Variants in RAD51B observed in about 807,000 individuals in gnomAD.
RAD51B encodes RAD51 paralog B, also known as DNA repair protein RAD51 homolog 2.
Under a neutral mutation model 42.2 loss-of-function variants are expected in RAD51B, and 38 were observed. The ratio of observed to expected loss-of-function variants is 0.90; its 90% CI spans 0.70 to 1.18. The LOEUF (loss-of-function observed/expected upper bound fraction) is 1.18, where lower values mean the gene tolerates loss of function less well. Among genes scored for constraint, RAD51B ranks in the 50% most tolerant of loss-of-function variants. The pLI, the probability that RAD51B is intolerant of heterozygous loss-of-function variation, is 0.00. For synonymous variants in RAD51B, 154 were observed against 145.2 expected, an observed-to-expected ratio of 1.06 and a Z score of -0.43; for missense variants, 373 against 400.7, an observed-to-expected ratio of 0.93 and a Z score of 0.59.
intron 8 of RAD51B, among the ~76,000 whole-genome samples, chr14:68,361,141 G>A (rs1303033562): frequency 3.3e-5 from 5 of 152,186 alleles, no homozygotes; most frequent in African/African-American, 9.7e-5. Context: ...AGGAGGGCAG[G>A]AGAAGGTCAG....
intron 7 of RAD51B, among the ~76,000 whole-genome samples, chr14:68,222,508 G>C (rs2079949915): frequency 6.7e-6 from 1 of 149,822 alleles, no homozygotes; most frequent in South Asian, 2.1e-4. Flanking sequence ...TGATGCATGG[G>C]ACTTTGGGGA....
intron 9 of RAD51B, among the ~76,000 whole-genome samples, chr14:68,435,088 C>G (rs375107012): frequency 2.0e-5 from 3 of 152,114 alleles, no homozygotes; most frequent in Admixed American, 6.5e-5. Flanking sequence ...GGGTATGTTA[C>G]GAGATGCTGA....
intron 7 of RAD51B, among the ~76,000 whole-genome samples, chr14:67,995,611 C>CTT (rs759241351): frequency 1.1e-4 from 16 of 142,024 alleles, no homozygotes; most frequent in African/African-American, 2.6e-4. Flanking sequence ...ATTTTATATT[C>CTT]TTTTTTTTTT....
At chr14:67,977,275 C>A (rs1334936631) in intron 7 of RAD51B, among the ~76,000 whole-genome samples, 5 of 152,168 alleles carry the variant, frequency 3.3e-5, no homozygotes, top group African/African-American at 1.2e-4. Context: ...AATGTTGATT[C>A]ACCTGTATGT....
intron 5 of RAD51B, among the ~76,000 whole-genome samples, chr14:67,882,291 T>C (rs1306789496): frequency 6.6e-6 from 1 of 152,160 alleles, no homozygotes; most frequent in Non-Finnish European, 1.5e-5. Flanking sequence ...TTCTTGGAAC[T>C]ATTCTCTCTT....
chr14:68,237,247 G>GAGGA (rs1374004422), intron 7 of RAD51B, among the ~76,000 whole-genome samples: 1 of 152,152 alleles, frequency 6.6e-6, no homozygotes, highest in Non-Finnish European at 1.5e-5. Flanking sequence ...ATCTTGAATT[G>GAGGA]AGGATCATAA....
At chr14:68,146,830 G>C (rs1185393107) in intron 7 of RAD51B, among the ~76,000 whole-genome samples, 1 of 152,074 alleles carries the variant, frequency 6.6e-6, no homozygotes, top group African/African-American at 2.4e-5. Context: ...GTGTTGGGAG[G>C]GGGTGTTCCT....
At chr14:68,324,487 C>G (rs2082212896) in intron 8 of RAD51B, among the ~76,000 whole-genome samples, 1 of 152,214 alleles carries the variant, frequency 6.6e-6, no homozygotes, top group African/African-American at 2.4e-5. Flanking sequence ...ATGACAAGAT[C>G]AAGAACCAGG....
chr14:68,014,473 G>T (rs1314636288), intron 7 of RAD51B, among the ~76,000 whole-genome samples: 9 of 152,054 alleles, frequency 5.9e-5, no homozygotes, highest in Non-Finnish European at 1.3e-4. Flanking sequence ...TGTATAGCAA[G>T]TACAAGTTAC....
In RAD51B at chr14:68,602,574, A is replaced by C. The variant is rs530694539; in HGVS notation, c.1037-8432A>C. ...ATACATGATAGGTTGATATTAGATG[A>C]TAGAAAAGCAAATAGAGTTTAAGAA... On this transcript the variant is annotated intron_variant, in intron 10 of 10. Coordinates refer to the RAD51B transcript ENST00000487861. Among the ~76,000 whole-genome samples, 5 of 152,318 alleles carry C rather than the reference A, an allele frequency of 3.3e-5. No homozygotes were observed. In the South Asian group the frequency reaches 1.0e-3, roughly 32 times the overall value.
rs2082036138 is a variant in RAD51B at position 68,315,385 on chromosome 14, G to A, written c.853+23405G>A. Among the ~76,000 whole-genome samples the A allele has an allele frequency of 5.3e-5, 8 of 152,206 alleles. 1 individual carries two copies. In the Middle Eastern group the frequency reaches 0.02, roughly 388 times the overall value. ...GATCTTTGCAAAAGGCCCCATGTTG[G>A]GCCAGCACAACAGTCTTTGCATGTA... On this transcript the variant is annotated intron_variant, in intron 8 of 10. Transcript: ENST00000471583.
chr14:68,053,613 C>T (rs1332135681), intron 7 of RAD51B, among the ~76,000 whole-genome samples: 3 of 152,204 alleles, frequency 2.0e-5, no homozygotes, highest in Non-Finnish European at 4.4e-5. Context: ...GATTGCTTCT[C>T]TCCAGCTAAG....
At chr14:68,549,564 C>T (rs1181240282) in intron 10 of RAD51B, among the ~76,000 whole-genome samples, 7 of 150,198 alleles carry the variant, frequency 4.7e-5, no homozygotes, top group East Asian at 1.9e-4. Flanking sequence ...TACAGGCGCG[C>T]GCCACCATGC....
intron 7 of RAD51B, among the ~76,000 whole-genome samples, chr14:67,938,109 C>T (rs993085362): frequency 1.3e-5 from 2 of 152,104 alleles, no homozygotes; most frequent in Non-Finnish European, 2.9e-5. Flanking sequence ...TTTAAATTTT[C>T]ATTTTTTACA....
intron 7 of RAD51B, among the ~76,000 whole-genome samples, chr14:68,187,400 A>G (rs559075554): frequency 6.6e-6 from 1 of 152,182 alleles, no homozygotes; most frequent in South Asian, 2.1e-4. Context: ...TCCCTTTGGG[A>G]TGTTATGCTG....
rs7157720 is a variant in RAD51B, at chr14:67,926,419, C to G, written c.756+39215C>G. Among the ~76,000 whole-genome samples, 8 of 152,178 alleles carry G rather than the reference C, an allele frequency of 5.3e-5. No individual in the cohort carries two copies. The East Asian group carries it at 1.4e-3, about 26-fold the overall frequency. ...TCACCTTTACTCCAGTTAACAAGTT[C>G]GTCATCTTTATCTGAGACCACCTCA... On this transcript the variant is annotated intron_variant, in intron 7 of 10. Coordinates refer to ENST00000471583, the MANE Select transcript of RAD51B (RefSeq NM_133510.4).
intron 7 of RAD51B, among the ~76,000 whole-genome samples, chr14:68,074,090 A>G (rs1043522778): frequency 6.6e-6 from 1 of 152,038 alleles, no homozygotes; most frequent in Non-Finnish European, 1.5e-5. Flanking sequence ...GGTTGGGAAA[A>G]TTTTTGTTGA....
intron 7 of RAD51B, among the ~76,000 whole-genome samples, chr14:68,104,120 A>G (rs1486957362): frequency 6.6e-6 from 1 of 152,212 alleles, no homozygotes; most frequent in Non-Finnish European, 1.5e-5. Context: ...GTGAGAGAGT[A>G]TATGCAAGAG....
chr14:68,291,902 A>C lies in RAD51B; in HGVS notation c.775A>C (p.Ile259Leu). ...TTCACAGGTTATCTTGACGAATCAG[A>C]TTACAACCCATCTGAGTGGAGCCCT... ...FSIPVILTNQ[I>L]TTHLSGALAS... is the part of the protein sequence containing the mutation. The change falls in exon 8 of 11, where the codon ATT becomes CTT. Residue 259 changes from isoleucine (I) to leucine (L), a missense_variant. Physicochemically the swap from Ile to Leu is conservative, Grantham distance 5 (BLOSUM62 2). Coordinates refer to ENST00000471583, the MANE Select transcript of RAD51B (RefSeq NM_133510.4). The C allele has an allele frequency of 6.2e-7, 1 of 1,613,750 alleles. No individual in the cohort carries two copies. Among genetic ancestry groups the C allele is most frequent in the South Asian group, 1.1e-5 (1 of 91,076 alleles).
Sources: gnomAD v4.1 joint callset for allele counts (sites outside exome capture counted in the v4.1 genomes callset) on GRCh38, gnomAD v4.1.1 for gene constraint, MANE v1.5 for transcripts, NCBI Gene and HGNC (gene_info 2026-07-23, HGNC 2026-07-21) for gene names.